ZNF423: variants seen among roughly 807,000 people sequenced by gnomAD.
ZNF423 encodes zinc finger protein 423.
ZNF423 carries 12 observed loss-of-function variants against 95.8 expected under a neutral mutation model. That is an observed-to-expected ratio of 0.13 (90% CI 0.08 to 0.20). ZNF423 has a LOEUF of 0.20. Ranked by LOEUF, ZNF423 falls within the 10% of genes least tolerant of loss-of-function variation. The probability of loss-of-function intolerance (pLI) is 1.00; values close to 1 mark genes in which losing one functional copy is unlikely to be tolerated. For missense variants in ZNF423, 1,316 were observed against 1,737.1 expected (o/e 0.76, Z 4.31); for synonymous variants, 749 against 711.9 (o/e 1.05, Z -0.83).
In ZNF423 at chr16:49,560,467, A is replaced by G. The variant is rs188080799; in HGVS notation, c.3602-34973T>C. The stretch of plus-strand genomic sequence containing the variant: ...GCTGGGATTTCAAGCTTGCCACAGT[A>G]TGAAGTCCAGTTTGGGCTATATTCC... On this transcript the variant is annotated intron_variant, in intron 5 of 7. Coordinates refer to ENST00000563137, the MANE Select transcript of ZNF423 (RefSeq NM_001379286.1). Among the ~76,000 whole-genome samples, 901 of 152,356 alleles carry G rather than the reference A, an allele frequency of 5.9e-3. 2 individuals carry two copies. Among genetic ancestry groups the G allele is most frequent in the Middle Eastern group, 0.01 (3 of 294 alleles).
chr16:49,841,202 C>CA (rs1181743587), intron 1 of ZNF423, among the ~76,000 whole-genome samples: 1 of 152,108 alleles, frequency 6.6e-6, no homozygotes, highest in Non-Finnish European at 1.5e-5. Context: ...ATCCTCCCCC[C>CA]ACTCCAGAAG....
At chr16:49,588,061 G>A (rs1567486721) in intron 5 of ZNF423, among the ~76,000 whole-genome samples, 1 of 152,202 alleles carries the variant, frequency 6.6e-6, no homozygotes, top group Non-Finnish European at 1.5e-5. Flanking sequence ...AGCTGTGTTT[G>A]CCTTAGCTCA....
rs1567334773 is a variant in ZNF423 at position 49,769,369 on chromosome 16, A to AAAAG, written c.100+20117_100+20118insCTTT. Among the ~76,000 whole-genome samples the AAAAG allele has an allele frequency of 3.7e-5, 3 of 81,820 alleles. No individual in the cohort carries two copies. In the South Asian group the frequency reaches 1.4e-3, roughly 37 times the overall value. 53.7% of individuals were successfully genotyped at this position (81,820 alleles called of 152,430 possible). ...GACTCTGTCTCAAAAAAAAAAAGAA[A>AAAAG]AAAAGAAAAGAAAAAGAAAGAAAGA... On this transcript the variant is annotated intron_variant, in intron 2 of 7. Coordinates refer to ENST00000563137, the MANE Select transcript of ZNF423 (RefSeq NM_001379286.1).
chr16:49,580,474 C>T (rs753222563), intron 5 of ZNF423, among the ~76,000 whole-genome samples: 9 of 152,168 alleles, frequency 5.9e-5, no homozygotes, highest in African/African-American at 1.2e-4. Context: ...CCCAGCAAAG[C>T]GCCTGAAGCA....
At chr16:49,713,174 A>G (rs1414599055) in intron 3 of ZNF423, among the ~76,000 whole-genome samples, 1 of 152,192 alleles carries the variant, frequency 6.6e-6, no homozygotes, top group African/African-American at 2.4e-5. Flanking sequence ...ACCAAAAGCT[A>G]AAAGCCCACA....
At position 49,637,640 on chromosome 16, in the gene ZNF423, G is replaced by A. The variant is rs373756871; in HGVS notation, c.1536C>T (p.Cys512=). 32 of 1,614,070 alleles carry A rather than the reference G, an allele frequency of 2.0e-5. No homozygotes were observed. The highest frequency in any genetic ancestry group is 1.9e-4 in the South Asian group (17 of 91,086). The part of the protein sequence containing the change: ...SLQEHIRVSH[C]GPNANPSDGN... ...CGTCAGAGGGGTTGGCGTTGGGGCC[G>A]CAGTGGGAGACGCGGATGTGCTCCT... Residue 512 remains cysteine (C), a synonymous_variant, in exon 4 of 8, where the codon TGC becomes TGT. Transcript: ENST00000563137. This position sits in a 1 kb window ranked among gnomAD's most constrained non-coding sequence, Gnocchi z 5.6.
At chr16:49,730,503 C>A (rs964427533) in intron 3 of ZNF423, 45 of 520,928 alleles carry the variant, frequency 8.6e-5, no homozygotes, top group African/African-American at 8.0e-4. Context: ...TCCACCCATT[C>A]ATGGCCTGAG....
At chr16:49,842,428 G>T (rs1799457935) in intron 1 of ZNF423, among the ~76,000 whole-genome samples, 1 of 107,586 alleles carries the variant, frequency 9.3e-6, no homozygotes, top group Non-Finnish European at 2.4e-5. Context: ...CAGGCAGGCA[G>T]GCAGGCAGGC....
chr16:49,660,354 T>C (rs1257127774), intron 3 of ZNF423, among the ~76,000 whole-genome samples: 1 of 152,080 alleles, frequency 6.6e-6, no homozygotes, highest in East Asian at 1.9e-4. Context: ...AAAACTATGG[T>C]ATGAATGAAT....
chr16:49,825,007 C>T (rs531141266), intron 1 of ZNF423, among the ~76,000 whole-genome samples: 1 of 152,274 alleles, frequency 6.6e-6, no homozygotes, highest in South Asian at 2.1e-4. Context: ...TCACAGGCTT[C>T]CTCTAGACAA....
intron 2 of ZNF423, among the ~76,000 whole-genome samples, chr16:49,785,826 A>G (rs1366991433): frequency 1.3e-5 from 2 of 152,212 alleles, no homozygotes; most frequent in African/African-American, 4.8e-5. Context: ...AAGGACTTTC[A>G]CATTTGTAAG....
chr16:49,746,659 G>A (rs561444697), intron 2 of ZNF423, among the ~76,000 whole-genome samples: 1 of 152,192 alleles, frequency 6.6e-6, no homozygotes, highest in South Asian at 2.1e-4. Flanking sequence ...TGCATTTTTA[G>A]TAGAAATGGG....
chr16:49,689,519 A>G (rs1379318721), intron 3 of ZNF423, among the ~76,000 whole-genome samples: 1 of 152,178 alleles, frequency 6.6e-6, no homozygotes, highest in Admixed American at 6.5e-5. Flanking sequence ...AAGTATTTTC[A>G]GAAACATTAA....
intron 2 of ZNF423, among the ~76,000 whole-genome samples, chr16:49,734,128 G>C (rs1438287077): frequency 6.6e-6 from 1 of 152,234 alleles, no homozygotes; most frequent in Non-Finnish European, 1.5e-5. Flanking sequence ...AAGGACATCA[G>C]ACCTACCTGG....
chr16:49,807,048 C>A (rs924599057), intron 1 of ZNF423, among the ~76,000 whole-genome samples: 2 of 150,400 alleles, frequency 1.3e-5, no homozygotes, highest in Non-Finnish European at 3.0e-5. Context: ...AAAAAGTGCA[C>A]AGCATAAAAT....
At chr16:49,747,905 C>A (rs982019067) in intron 2 of ZNF423, among the ~76,000 whole-genome samples, 1 of 152,222 alleles carries the variant, frequency 6.6e-6, no homozygotes, top group African/African-American at 2.4e-5. Context: ...TCCTTCCCTC[C>A]CTCCGGTGTG....
Position 49,636,440 on chromosome 16 carries a change from G to A in ZNF423, c.2736C>T (p.His912=), listed in dbSNP as rs1402216016. 1.9e-6 allele frequency: 3 copies of A among 1,613,494 alleles called. No homozygotes were observed. The highest frequency in any genetic ancestry group is 2.5e-6 in the Non-Finnish European group (3 of 1,180,018). The stretch of plus-strand genomic sequence containing the variant: ...GCCGGATATTGTGGTCCCGCAGCCG[G>A]TGATTCTGCAGCAGCACCTCCATGG... ...AYTMEVLLQN[H]RLRDHNIRPG... The change falls in exon 4 of 8, where the codon CAC becomes CAT. Residue 912 remains histidine, a synonymous_variant. Transcript: ENST00000563137. The surrounding 1 kb of genome is among the most constrained non-coding windows in gnomAD (Gnocchi z 8.6).
At chr16:49,844,039 A>T (rs2035218315) in intron 1 of ZNF423, among the ~76,000 whole-genome samples, 1 of 152,006 alleles carries the variant, frequency 6.6e-6, no homozygotes, top group Non-Finnish European at 1.5e-5. Flanking sequence ...TATGCCTGTA[A>T]TCTCAACATT....
At chr16:49,661,175 A>C (rs937438904) in intron 3 of ZNF423, among the ~76,000 whole-genome samples, 6 of 148,228 alleles carry the variant, frequency 4.0e-5, no homozygotes, top group South Asian at 2.1e-4. Context: ...CCGAGATCGC[A>C]CCATTGCACT....
Sources: gnomAD v4.1 joint callset for allele counts (sites outside exome capture counted in the v4.1 genomes callset) on GRCh38, gnomAD v4.1.1 for gene constraint, Gnocchi (gnomAD v3.1) non-coding constraint, MANE v1.5 for transcripts, NCBI Gene and HGNC (gene_info 2026-07-23, HGNC 2026-07-21) for gene names.